Variants in SPAG16 observed in about 807,000 individuals in gnomAD.
The protein encoded by SPAG16 is sperm-associated antigen 16 protein.
SPAG16 carries 86 observed loss-of-function variants against 80.4 expected under a neutral mutation model. That is an observed-to-expected ratio of 1.07 (90% CI 0.90 to 1.28). The LOEUF (loss-of-function observed/expected upper bound fraction) is 1.28, where lower values mean the gene tolerates loss of function less well. Among genes scored for constraint, SPAG16 ranks in the 50% most tolerant of loss-of-function variants. SPAG16 has a pLI of 0.00. For synonymous variants in SPAG16, 294 were observed against 265.9 expected (o/e 1.11, Z -1.03); for missense variants, 870 against 765.3 (o/e 1.14, Z -1.61).
At position 213,317,363 on chromosome 2, in the gene SPAG16, T is replaced by C; in HGVS notation, c.536+7T>C. ...ACTACAAACAAGCAGCTGAGTATGTTATTTTTTAAATGACATTTTCTTCTT... is the reference window on the plus strand; with the variant it reads ...ACTACAAACAAGCAGCTGAGTATGTCATTTTTTAAATGACATTTTCTTCTT... On this transcript the variant is annotated splice_region_variant and intron_variant, in intron 5 of 15. Transcript: ENST00000331683. 6.2e-7 allele frequency: 1 copy of C among 1,600,490 alleles called. No individual in the cohort carries two copies. The highest frequency in any genetic ancestry group is 8.5e-7 in the Non-Finnish European group (1 of 1,175,074).
At chr2:213,917,211 A>T (rs2078013005) in intron 11 of SPAG16, among the ~76,000 whole-genome samples, 1 of 152,170 alleles carries the variant, frequency 6.6e-6, no homozygotes, top group African/African-American at 2.4e-5. Flanking sequence ...AAGTAATGTG[A>T]TGCCTCCAGC....
intron 5 of SPAG16, among the ~76,000 whole-genome samples, chr2:213,325,620 ATGTGTG>A (rs10534467): frequency 1.1e-4 from 16 of 148,978 alleles, no homozygotes; most frequent in East Asian, 2.0e-4. Flanking sequence ...TTGGAAAAAT[ATGTGTG>A]TGTGTGTGTG....
intron 9 of SPAG16, among the ~76,000 whole-genome samples, chr2:213,391,080 C>T (rs1388684973): frequency 6.6e-6 from 1 of 152,030 alleles, no homozygotes; most frequent in Admixed American, 6.6e-5. Flanking sequence ...CCAGCCTGAC[C>T]AATATGGTGA....
At chr2:214,157,039 T>C (rs1214385147) in intron 15 of SPAG16, among the ~76,000 whole-genome samples, 1 of 152,152 alleles carries the variant, frequency 6.6e-6, no homozygotes, top group Admixed American at 6.5e-5. Context: ...AGTGACCCTA[T>C]TGTATATGCA....
intron 13 of SPAG16, among the ~76,000 whole-genome samples, chr2:214,071,498 T>A (rs2050785813): frequency 1.3e-5 from 2 of 152,058 alleles, no homozygotes; most frequent in South Asian, 2.1e-4. Context: ...GAAAAAATAA[T>A]GAAAACAACC....
intron 12 of SPAG16, among the ~76,000 whole-genome samples, chr2:214,013,608 CT>C (rs1366724444): frequency 3.9e-5 from 6 of 152,092 alleles, no homozygotes; most frequent in Admixed American, 6.5e-5. Context: ...TTTATTTTGT[CT>C]GATGAATTAG....
chr2:213,612,905 TC>T (rs2061482897), intron 10 of SPAG16, among the ~76,000 whole-genome samples: 1 of 152,122 alleles, frequency 6.6e-6, no homozygotes, highest in Admixed American at 6.5e-5. Context: ...ACTCCTGACC[TC>T]CGGCAATCCG....
At chr2:213,745,747 T>G (rs902295368) in intron 10 of SPAG16, among the ~76,000 whole-genome samples, 1 of 152,194 alleles carries the variant, frequency 6.6e-6, no homozygotes, top group African/African-American at 2.4e-5. Context: ...TAAAAATATC[T>G]TATAATAATC....
chr2:214,386,223 A>AACTT (rs764285683), intron 15 of SPAG16, among the ~76,000 whole-genome samples: 7 of 151,942 alleles, frequency 4.6e-5, no homozygotes, highest in Non-Finnish European at 1.0e-4. Flanking sequence ...AAAAATACAA[A>AACTT]ACTTAGCCGG....
intron 10 of SPAG16, among the ~76,000 whole-genome samples, chr2:213,645,476 G>C (rs1012373635): frequency 1.2e-4 from 19 of 152,018 alleles, no homozygotes; most frequent in African/African-American, 4.3e-4. Flanking sequence ...GATGAATGCT[G>C]TCAGGACTGA....
intron 5 of SPAG16, among the ~76,000 whole-genome samples, chr2:213,323,518 GGTGGGAATGCAA>G (rs2063716006): frequency 1.3e-5 from 2 of 152,158 alleles, no homozygotes; most frequent in Non-Finnish European, 2.9e-5. Context: ...GCACATTACT[GGTGGGAATGCAA>G]GTGGTGCAGC....
intron 15 of SPAG16, among the ~76,000 whole-genome samples, chr2:214,374,778 A>G (rs1231479867): frequency 6.6e-6 from 1 of 152,206 alleles, no homozygotes; most frequent in Non-Finnish European, 1.5e-5. Flanking sequence ...GTAGATGCAT[A>G]CCTCATTCGA....
chr2:213,578,953 A>G (rs1484959495), intron 10 of SPAG16, among the ~76,000 whole-genome samples: 1 of 152,136 alleles, frequency 6.6e-6, no homozygotes, highest in Non-Finnish European at 1.5e-5. Context: ...GTTTTATCAT[A>G]AAAACCCATT....
At chr2:213,810,722 T>C (rs2072081150) in intron 10 of SPAG16, among the ~76,000 whole-genome samples, 1 of 152,194 alleles carries the variant, frequency 6.6e-6, no homozygotes, top group African/African-American at 2.4e-5. Context: ...TTTAGTTTCG[T>C]GGTGCGGAAG....
chr2:213,712,594 A>C (rs2066048962), intron 10 of SPAG16, among the ~76,000 whole-genome samples: 1 of 152,156 alleles, frequency 6.6e-6, no homozygotes, highest in Non-Finnish European at 1.5e-5. Context: ...GGTATTTGAA[A>C]GATATAATTT....
chr2:213,811,038 C>T (rs1404406766), intron 10 of SPAG16, among the ~76,000 whole-genome samples: 1 of 151,830 alleles, frequency 6.6e-6, no homozygotes, highest in Non-Finnish European at 1.5e-5. Context: ...GGGAGGGTCT[C>T]CTGGAAAATT....
intron 9 of SPAG16, among the ~76,000 whole-genome samples, chr2:213,428,637 G>A (rs896494529): frequency 6.6e-6 from 1 of 152,204 alleles, no homozygotes; most frequent in Admixed American, 6.5e-5. Flanking sequence ...CGTGGGTGGA[G>A]CAGAAGGAGA....
intron 9 of SPAG16, among the ~76,000 whole-genome samples, chr2:213,455,420 C>G (rs1158454439): frequency 6.6e-6 from 1 of 152,136 alleles, no homozygotes; most frequent in African/African-American, 2.4e-5. Flanking sequence ...GTTCCAGGGG[C>G]TAATCTTGAA....
At chr2:214,232,394 C>A (rs1688758654) in intron 15 of SPAG16, among the ~76,000 whole-genome samples, 1 of 151,914 alleles carries the variant, frequency 6.6e-6, no homozygotes, top group Non-Finnish European at 1.5e-5. Context: ...ATATTCTCTT[C>A]TGATAACTGC....
Sources: gnomAD v4.1 joint callset for allele counts (sites outside exome capture counted in the v4.1 genomes callset) on GRCh38, gnomAD v4.1.1 for gene constraint, MANE v1.5 for transcripts, NCBI Gene and HGNC (gene_info 2026-07-23, HGNC 2026-07-21) for gene names.